The following AFAP1L2 variants were observed in gnomAD, a reference collection of about 807,000 sequenced individuals.
AFAP1L2 encodes actin filament-associated protein 1-like 2.
A neutral mutation model predicts 99.3 loss-of-function variants in AFAP1L2; 46 were observed. That is an observed-to-expected ratio of 0.46 (90% CI 0.37 to 0.59). The LOEUF (loss-of-function observed/expected upper bound fraction) is 0.59, where lower values mean the gene tolerates loss of function less well. AFAP1L2 is among the 20% of genes least tolerant of loss of function. The pLI, the probability that AFAP1L2 is intolerant of heterozygous loss-of-function variation, is 0.00. For synonymous variants in AFAP1L2, 397 were observed against 419.1 expected (o/e 0.95, Z 0.64); for missense variants, 959 against 1,034.9 (o/e 0.93, Z 1.01).
intron 2 of AFAP1L2, among the ~76,000 whole-genome samples, chr10:114,334,848 C>T (rs1366037949): frequency 2.6e-5 from 4 of 152,232 alleles, no homozygotes; most frequent in African/African-American, 4.8e-5. Context: ...AAAGCTTTGC[C>T]GTAACGGCAT....
intron 6 of AFAP1L2, among the ~76,000 whole-genome samples, chr10:114,315,332 C>T (rs2043947918): frequency 1.3e-5 from 2 of 152,104 alleles, no homozygotes; most frequent in Admixed American, 1.3e-4. Flanking sequence ...TCACAACCCC[C>T]TTTGAGAACT....
chr10:114,349,748 A>G (rs771482276), intron 1 of AFAP1L2, among the ~76,000 whole-genome samples: 1 of 135,308 alleles, frequency 7.4e-6, no homozygotes, highest in Non-Finnish European at 1.5e-5. Flanking sequence ...AATGTAAATA[A>G]CTTTCTCCAG....
the AFAP1L2 span, among the ~76,000 whole-genome samples, chr10:114,284,019 C>A: frequency 2.0e-5 from 3 of 152,202 alleles, no homozygotes; most frequent in Admixed American, 2.0e-4. Context: ...CACATGAAGA[C>A]CTTGTTTGTT....
chr10:114,385,936 G>GC (rs1270982016), intron 1 of AFAP1L2, among the ~76,000 whole-genome samples: 1 of 151,018 alleles, frequency 6.6e-6, no homozygotes, highest in East Asian at 1.9e-4. Context: ...ACCACCCCCC[G>GC]CCCCCCCTCA....
chr10:114,382,989 T>C (rs1025511199), intron 1 of AFAP1L2, among the ~76,000 whole-genome samples: 4 of 152,134 alleles, frequency 2.6e-5, no homozygotes, highest in African/African-American at 4.8e-5. Context: ...ATACCCCAAA[T>C]ACCCTGACTG....
At chr10:114,303,260 A>G (rs2041542021) in intron 11 of AFAP1L2, among the ~76,000 whole-genome samples, 1 of 152,176 alleles carries the variant, frequency 6.6e-6, no homozygotes, top group Admixed American at 6.5e-5. Context: ...CTCTTCATCA[A>G]AGAGGCCGTG....
Position 114,347,604 on chromosome 10 carries a change from T to C in AFAP1L2, c.17-6873A>G, listed in dbSNP as rs577524449. 2.6e-5 allele frequency among the ~76,000 whole-genome samples: 4 copies of C among 152,218 alleles called. No individual in the cohort carries two copies. The East Asian group carries it at 7.7e-4, about 29-fold the overall frequency. On this transcript the variant is annotated intron_variant, in intron 1 of 18. Coordinates refer to ENST00000304129, the MANE Select transcript of AFAP1L2 (RefSeq NM_001001936.3). ...GAGTCTCCTTGAGTAGCTGGGACTA[T>C]AGGCATGTACCACTTGAGACTATAT...
intron 1 of AFAP1L2, among the ~76,000 whole-genome samples, chr10:114,345,214 G>A (rs1279882006): frequency 1.3e-5 from 2 of 149,738 alleles, no homozygotes; most frequent in African/African-American, 4.9e-5. Context: ...GGAACATGGA[G>A]CATCGAGGTG....
At chr10:114,306,933 C>T (rs894052111) in intron 10 of AFAP1L2, among the ~76,000 whole-genome samples, 1 of 152,124 alleles carries the variant, frequency 6.6e-6, no homozygotes, top group African/African-American at 2.4e-5. Context: ...CCTCCTAGCC[C>T]ACCCCCACCA....
At chr10:114,291,368 GC>G, downstream of AFAP1L2, 1 of 1,131,412 alleles carries the variant, frequency 8.8e-7, no homozygotes, top group African/African-American at 1.6e-5. Context: ...TCTGCTTCCC[GC>G]CGTGGCCAGG....
chr10:114,349,383 C>CAAAAAA (rs113553514), intron 1 of AFAP1L2, among the ~76,000 whole-genome samples: 40 of 85,910 alleles, frequency 4.7e-4, no homozygotes, highest in Admixed American at 9.7e-4. Context: ...AACTCGGTCT[C>CAAAAAA]AAAAAAAAAA....
chr10:114,303,452 C>G (rs944865402), intron 11 of AFAP1L2, among the ~76,000 whole-genome samples: 1 of 152,180 alleles, frequency 6.6e-6, no homozygotes, highest in Non-Finnish European at 1.5e-5. Flanking sequence ...GGACTACAGG[C>G]GCCCACCACC....
intron 18 of AFAP1L2, 137 bp from the exon 19 acceptor site, chr10:114,296,205 CTG>C (rs2040201542): frequency 8.1e-7 from 1 of 1,235,188 alleles, no homozygotes; most frequent in African/African-American, 1.5e-5. Context: ...GTTTCAAACC[CTG>C]TGTGTTCATC....
chr10:114,285,942 T>A, the AFAP1L2 span: 1 of 1,591,040 alleles, frequency 6.3e-7, no homozygotes, highest in East Asian at 2.2e-5. Context: ...CCCGCAGCCC[T>A]GAAGCTGAGC....
chr10:114,367,707 C>A (rs1282737580), intron 1 of AFAP1L2, among the ~76,000 whole-genome samples: 1 of 152,176 alleles, frequency 6.6e-6, no homozygotes, highest in African/African-American at 2.4e-5. Flanking sequence ...TTATTCCAAG[C>A]TTTCCCGGGC....
rs72826914 is a variant in AFAP1L2, at chr10:114,331,960, C to T, written c.221-63G>A. Reference sequence around the variant, plus strand: ...GACCAGCCTTACACAGGGTCTCCTTCCTCAGGAATGCCCGGTCACATGCAC... The same window carrying T: ...GACCAGCCTTACACAGGGTCTCCTTTCTCAGGAATGCCCGGTCACATGCAC... On this transcript the variant is annotated intron_variant, in intron 3 of 18. Transcript: ENST00000304129. 4.0e-3 allele frequency: 4,446 copies of T among 1,098,984 alleles called. 14 individuals carry two copies. Among genetic ancestry groups the T allele is most frequent in the Middle Eastern group, 8.4e-3 (25 of 2,980 alleles). 68.1% of individuals were successfully genotyped at this position (1,098,984 alleles called of 1,614,324 possible).
chr10:114,307,806 G>T lies in AFAP1L2; in HGVS notation c.1071C>A (p.Ser357=). Residue 357 remains serine (S), a splice_region_variant and synonymous_variant, in exon 10 of 19, where the codon TCC becomes TCA. Coordinates refer to ENST00000304129, the MANE Select transcript of AFAP1L2 (RefSeq NM_001001936.3). ...CCCGGAGGTAGCTACAATTCTTACT[G>T]GATGTCTCGAGGGACCTCTCCACAG... ...LEPVERSLET[S]SYLNVLVNSQ... 6.2e-7 allele frequency: 1 copy of T among 1,613,178 alleles called. No homozygotes were observed. The highest frequency in any genetic ancestry group is 8.5e-7 in the Non-Finnish European group (1 of 1,179,244).
chr10:114,392,901 T>C (rs2057304658), intron 1 of AFAP1L2, among the ~76,000 whole-genome samples: 2 of 152,156 alleles, frequency 1.3e-5, no homozygotes, highest in African/African-American at 4.8e-5. Flanking sequence ...AACCTTCCCT[T>C]GGCAGGAAAA....
At chr10:114,286,464 A>T in the AFAP1L2 span, 2 of 1,602,946 alleles carry the variant, frequency 1.2e-6, no homozygotes, top group Non-Finnish European at 8.5e-7. Flanking sequence ...GATCTGTTCA[A>T]CCAAATCCCT....
Sources: gnomAD v4.1 joint callset for allele counts (sites outside exome capture counted in the v4.1 genomes callset) on GRCh38, gnomAD v4.1.1 for gene constraint, MANE v1.5 for transcripts, NCBI Gene and HGNC (gene_info 2026-07-23, HGNC 2026-07-21) for gene names.